REL: variants seen among roughly 807,000 people sequenced by gnomAD.
REL encodes proto-oncogene c-Rel.
A neutral mutation model predicts 45.9 loss-of-function variants in REL; 15 were observed. The ratio of observed to expected loss-of-function variants is 0.33; its 90% CI spans 0.22 to 0.50. REL has a LOEUF of 0.50. REL is among the 20% of genes least tolerant of loss of function. The pLI is 0.98. For synonymous variants in REL, 239 were observed against 242.1 expected (o/e 0.99, Z 0.12); for missense variants, 601 against 715.2 (o/e 0.84, Z 1.82).
chr2:60,897,290 G>A (rs1375946181), intron 3 of REL, among the ~76,000 whole-genome samples: 1 of 150,212 alleles, frequency 6.7e-6, no homozygotes, highest in Non-Finnish European at 1.5e-5. Flanking sequence ...CAAGACTTGT[G>A]CTTTTCTTTT....
At chr2:60,896,220 G>T (rs1202303273) in intron 3 of REL, among the ~76,000 whole-genome samples, 2 of 152,054 alleles carry the variant, frequency 1.3e-5, no homozygotes, top group Non-Finnish European at 2.9e-5. Flanking sequence ...TGTTGGCTGG[G>T]CTGGTCTCGA....
At chr2:60,918,043 T>G (rs1389352533) in intron 5 of REL, 148 bp from the exon 6 acceptor site, 2 of 583,156 alleles carry the variant, frequency 3.4e-6, no homozygotes, top group African/African-American at 3.8e-5. Flanking sequence ...AGTGGACAGA[T>G]AAATAGATGA....
Position 60,901,086 on chromosome 2 carries a change from A to G in REL, c.394+3A>G. On this transcript the variant is annotated splice_donor_region_variant and intron_variant, in intron 4 of 9. Coordinates refer to ENST00000394479, the MANE Select transcript of REL (RefSeq NM_001291746.2). Reference sequence around the variant, plus strand: ...GGCAGGAATCAATCCATTCAATGGTAAGTATGTTTGATAAAATCATTTCTA... The same window carrying G: ...GGCAGGAATCAATCCATTCAATGGTGAGTATGTTTGATAAAATCATTTCTA... 6.4e-7 allele frequency: 1 copy of G among 1,573,464 alleles called. No individual in the cohort carries two copies. The highest frequency in any genetic ancestry group is 8.6e-7 in the Non-Finnish European group (1 of 1,165,294).
chr2:60,898,916 G>GTGAA (rs1347329070), intron 3 of REL: 1 of 152,122 alleles, frequency 6.6e-6, no homozygotes, highest in South Asian at 2.1e-4. Context: ...TTGAATGTCT[G>GTGAA]TGAATGAATG....
Position 60,923,791 on chromosome 2 carries a change from ATTC to A in REL, c.*1262_*1264del, listed in dbSNP as rs927655598. ...TGGATTGAAGCTGTCATCTACAAAA[ATTC>A]TTCTTATATCCTTGCATTCCTACAG... On this transcript the variant is annotated 3_prime_UTR_variant, in exon 10 of 10. Transcript: ENST00000394479. The A allele has an allele frequency of 6.9e-5, 16 of 233,200 alleles. No homozygotes were observed. Among genetic ancestry groups the A allele is most frequent in the African/African-American group, 1.1e-4 (5 of 45,456 alleles). The allele number at this position is 233,200 out of a possible 1,614,324, so 14.4% of individuals were successfully genotyped here. A position where few individuals can be genotyped will look rare whatever the true frequency, so the allele number is the denominator to read the frequency against.
chr2:60,891,692 A>C lies in REL; in HGVS notation c.20A>C (p.Asn7Thr), dbSNP rs1234379831. 2 of 1,611,124 alleles carry C rather than the reference A, an allele frequency of 1.2e-6. No individual in the cohort carries two copies. The highest frequency in any genetic ancestry group is 1.7e-6 in the Non-Finnish European group (2 of 1,178,650). ...TTTAAAAACTTTTCAGGTGCGTATAACCCGTATATAGAGATAATTGAACAA... is the reference window on the plus strand; with the variant it reads ...TTTAAAAACTTTTCAGGTGCGTATACCCCGTATATAGAGATAATTGAACAA... MASGAY[N>T]PYIEIIEQPR... Residue 7 changes from asparagine (N) to threonine (T), a missense_variant, in exon 2 of 10, where the codon AAC becomes ACC. Physicochemically the swap from Asn to Thr is moderately conservative, Grantham distance 65. This residue lies in a region of REL where 24 missense variants were observed against 18.2 expected (regional missense o/e 1.32). Transcript: ENST00000394479.
At chr2:60,909,184 G>C (rs773832145) in intron 4 of REL, among the ~76,000 whole-genome samples, 1 of 152,002 alleles carries the variant, frequency 6.6e-6, no homozygotes, top group Non-Finnish European at 1.5e-5. Context: ...TCTCACTAAG[G>C]TCAGGCATTG....
At chr2:60,903,956 T>C (rs1040449686) in intron 4 of REL, among the ~76,000 whole-genome samples, 2 of 152,048 alleles carry the variant, frequency 1.3e-5, no homozygotes, top group African/African-American at 4.8e-5. Context: ...TGTGAGCCAC[T>C]GGGCCCGACT....
chr2:60,902,721 G>T (rs1261704826), intron 4 of REL, among the ~76,000 whole-genome samples: 1 of 151,388 alleles, frequency 6.6e-6, no homozygotes, highest in African/African-American at 2.4e-5. Context: ...AGCCTCCCAA[G>T]TTGTTGGTGC....
chr2:60,891,883 A>G, intron 2 of REL, 58 bp downstream of exon 2: 2 of 1,429,490 alleles, frequency 1.4e-6, no homozygotes, highest in African/African-American at 1.4e-5. Context: ...TACTAGCTAT[A>G]GCAATTATTT....
At chr2:60,912,732 TATAAG>T (rs1364506584) in intron 4 of REL, among the ~76,000 whole-genome samples, 1 of 152,002 alleles carries the variant, frequency 6.6e-6, no homozygotes, top group African/African-American at 2.4e-5. Context: ...ACCCAATTTT[TATAAG>T]ATAAAATAAA....
chr2:60,891,967 T>A, intron 2 of REL, 142 bp downstream of exon 2: 1 of 794,688 alleles, frequency 1.3e-6, no homozygotes, highest in Non-Finnish European at 1.9e-6. Flanking sequence ...TTTAAACGGA[T>A]CTGTCAAAAA....
chr2:60,886,369 T>TG (rs1292668216), intron 1 of REL, among the ~76,000 whole-genome samples: 1 of 152,204 alleles, frequency 6.6e-6, no homozygotes, highest in Non-Finnish European at 1.5e-5. Context: ...TAAATTAAGT[T>TG]GCATTTATTT....
Position 60,881,602 on chromosome 2 carries a change from C to A in REL, c.-239C>A, listed in dbSNP as rs1248891763. 3 of 503,710 alleles carry A rather than the reference C, an allele frequency of 6.0e-6. No individual in the cohort carries two copies. Among genetic ancestry groups the A allele is most frequent in the Non-Finnish European group, 1.1e-5 (3 of 283,408 alleles). The allele number at this position is 503,710 out of a possible 1,614,324, so 31.2% of individuals were successfully genotyped here. ...CGGCTCTCCCCGCTCCGCCCCCTGC[C>A]CCTGGCTCCCGTACGGTGGACGGCG... is the stretch of plus-strand genomic sequence containing the variant. On this transcript the variant is annotated 5_prime_UTR_variant, in exon 1 of 10. Coordinates refer to ENST00000394479, the MANE Select transcript of REL (RefSeq NM_001291746.2).
At chr2:60,905,869 G>T (rs78703347) in intron 4 of REL, among the ~76,000 whole-genome samples, 1 of 152,170 alleles carries the variant, frequency 6.6e-6, no homozygotes, top group Admixed American at 6.5e-5. Flanking sequence ...AATAGATTTT[G>T]TTTTTGAGTT....
rs545738504 is a variant in REL at position 60,899,167 on chromosome 2, A to G, written c.303-1825A>G. On this transcript the variant is annotated intron_variant, in intron 3 of 9. Transcript: ENST00000394479. ...TTTGAGGAAGAGGATTATAGTTGCAAGATTTCAAGAAAGGATTAAGAATTC... is the reference window on the plus strand; with the variant it reads ...TTTGAGGAAGAGGATTATAGTTGCAGGATTTCAAGAAAGGATTAAGAATTC... 7.9e-5 allele frequency: 12 copies of G among 152,352 alleles called. No individual in the cohort carries two copies. In the East Asian group the frequency reaches 2.3e-3, roughly 29 times the overall value. The allele number at this position is 152,352 out of a possible 1,614,324, so 9.4% of individuals were successfully genotyped here.
Position 60,881,829 on chromosome 2 carries a change from G to C in REL, c.-12G>C. Reference sequence around the variant, plus strand: ...TGGGAGCTGCCTGCGGGAAGGTGCGGGGAGCGGAGCCATGGCCTCCGGTGA... The same window carrying C: ...TGGGAGCTGCCTGCGGGAAGGTGCGCGGAGCGGAGCCATGGCCTCCGGTGA... On this transcript the variant is annotated 5_prime_UTR_variant, in exon 1 of 10. Transcript: ENST00000394479. 6.6e-7 allele frequency: 1 copy of C among 1,522,830 alleles called. No individual in the cohort carries two copies. Among genetic ancestry groups the C allele is most frequent in the Non-Finnish European group, 8.8e-7 (1 of 1,136,228 alleles). The allele number at this position is 1,522,830 out of a possible 1,614,324, so 94.3% of individuals were successfully genotyped here.
chr2:60,899,548 T>C (rs1673441833), intron 3 of REL: 1 of 152,372 alleles, frequency 6.6e-6, no homozygotes, highest in African/African-American at 2.4e-5. Flanking sequence ...ATGTGAAAGA[T>C]ATTTTAGATG....
At position 60,881,861 on chromosome 2, in the gene REL, A is replaced by C. The variant is rs842650; in HGVS notation, c.10+11A>C. 3 of 1,488,338 alleles carry C rather than the reference A, an allele frequency of 2.0e-6. No individual in the cohort carries two copies. Among genetic ancestry groups the C allele is most frequent in the South Asian group, 1.3e-5 (1 of 79,496 alleles). 92.2% of individuals were successfully genotyped at this position (1,488,338 alleles called of 1,614,324 possible). A position where few individuals can be genotyped will look rare whatever the true frequency, so the allele number is the denominator to read the frequency against. On this transcript the variant is annotated intron_variant, in intron 1 of 9. Transcript: ENST00000394479. Reference sequence around the variant, plus strand: ...GAGCCATGGCCTCCGGTGAGTGTTCATGGGGCGCGGGCCTGGGCCGGGGGA... The same window carrying C: ...GAGCCATGGCCTCCGGTGAGTGTTCCTGGGGCGCGGGCCTGGGCCGGGGGA...
Sources: allele counts gnomAD v4.1 joint callset (sites outside exome capture counted in the v4.1 genomes callset), GRCh38; gene constraint gnomAD v4.1.1; regional missense constraint gnomAD v4.1.1; transcripts MANE v1.5; gene names NCBI Gene and HGNC (gene_info 2026-07-23, HGNC 2026-07-21).